Variants in NKAIN2 observed in about 807,000 individuals in gnomAD.
NKAIN2 encodes sodium/potassium transporting ATPase interacting 2.
A neutral mutation model predicts 32.6 loss-of-function variants in NKAIN2; 14 were observed. The ratio of observed to expected loss-of-function variants is 0.43; its 90% CI spans 0.28 to 0.67. The LOEUF is 0.67. NKAIN2 is among the 30% of genes least tolerant of loss of function. The pLI is 0.17. For missense variants in NKAIN2, 198 were observed against 258.3 expected (o/e 0.77, Z 1.60); for synonymous variants, 80 against 87.2 (o/e 0.92, Z 0.46).
At chr6:124,803,679 T>A (rs1233425988) in intron 5 of NKAIN2, among the ~76,000 whole-genome samples, 1 of 152,214 alleles carries the variant, frequency 6.6e-6, no homozygotes, top group Non-Finnish European at 1.5e-5. Context: ...CCCTCTGGTC[T>A]CTTCAGCTTC....
At chr6:123,879,009 A>AT (rs1033727327) in intron 1 of NKAIN2, among the ~76,000 whole-genome samples, 12 of 152,004 alleles carry the variant, frequency 7.9e-5, no homozygotes, top group Admixed American at 4.6e-4. Flanking sequence ...AGTGGCTTTA[A>AT]TTTTTTTTAG....
At position 123,943,847 on chromosome 6, in the gene NKAIN2, T is replaced by C. The variant is rs1469325076; in HGVS notation, c.54+139593T>C. On this transcript the variant is annotated intron_variant, in intron 1 of 6. Coordinates refer to ENST00000368417, the MANE Select transcript of NKAIN2 (RefSeq NM_001040214.3). ...AGAACACTTTAGTTTAATAATACCATTTTAATTTGCCAAATGGTTAGTGAT... is the reference window on the plus strand; with the variant it reads ...AGAACACTTTAGTTTAATAATACCACTTTAATTTGCCAAATGGTTAGTGAT... Among the ~76,000 whole-genome samples, 4 of 152,066 alleles carry C rather than the reference T, an allele frequency of 2.6e-5. No homozygotes were observed. In the East Asian group the frequency reaches 7.7e-4, roughly 29 times the overall value.
At chr6:124,577,342 T>C (rs182294135) in intron 3 of NKAIN2, among the ~76,000 whole-genome samples, 53 of 152,192 alleles carry the variant, frequency 3.5e-4, no homozygotes, top group African/African-American at 1.3e-3. Context: ...TCACCACCCC[T>C]CCTGCACCCC....
At chr6:123,986,261 T>G (rs1562293433) in intron 1 of NKAIN2, among the ~76,000 whole-genome samples, 2 of 152,172 alleles carry the variant, frequency 1.3e-5, no homozygotes, top group Non-Finnish European at 2.9e-5. Flanking sequence ...AAAATGAAGA[T>G]ACTTCTTTTA....
rs1199710503 is a variant in NKAIN2 at position 124,823,271 on chromosome 6, A to G, written c.*42A>G. On this transcript the variant is annotated 3_prime_UTR_variant, in exon 7 of 7. Coordinates refer to ENST00000368417, the MANE Select transcript of NKAIN2 (RefSeq NM_001040214.3). ...ATGTCAGCCCATGGACCTTTCAAAG[A>G]ACTTTTTTCGCAGTGGCCTCCTGCA... 1 of 1,503,604 alleles carries G rather than the reference A, an allele frequency of 6.7e-7. No homozygotes were observed. Among genetic ancestry groups the G allele is most frequent in the Non-Finnish European group, 9.3e-7 (1 of 1,078,564 alleles). The allele number at this position is 1,503,604 out of a possible 1,614,324, so 93.1% of individuals were successfully genotyped here.
intron 5 of NKAIN2, among the ~76,000 whole-genome samples, chr6:124,803,977 G>A (rs1455216928): frequency 1.3e-5 from 2 of 152,030 alleles, no homozygotes; most frequent in Admixed American, 6.6e-5. Flanking sequence ...ATAACCCTTC[G>A]AAGCTGAAAT....
chr6:123,900,532 G>GGTTTT (rs1774516637), intron 1 of NKAIN2, among the ~76,000 whole-genome samples: 9 of 32,764 alleles, frequency 2.7e-4, no homozygotes, highest in South Asian at 2.1e-3. Context: ...CTCCAGATTA[G>GGTTTT]TTTTTTTTTT....
rs577787014 is a variant in NKAIN2 at position 124,159,658 on chromosome 6, G to A, written c.55-123347G>A. ...AGACAAAGAAAACTAAATTATATCC[G>A]AGTGCAATAGTGAACTGACCTGTTG... On this transcript the variant is annotated intron_variant, in intron 1 of 6. Coordinates refer to ENST00000368417, the MANE Select transcript of NKAIN2 (RefSeq NM_001040214.3). 2.6e-5 allele frequency among the ~76,000 whole-genome samples: 4 copies of A among 152,178 alleles called. No homozygotes were observed. The South Asian group carries it at 6.2e-4, about 24-fold the overall frequency.
chr6:124,407,426 A>G (rs1295398750), intron 3 of NKAIN2, among the ~76,000 whole-genome samples: 1 of 145,104 alleles, frequency 6.9e-6, no homozygotes, highest in Non-Finnish European at 1.5e-5. Context: ...ATTCCCACCT[A>G]TGAGTGAGAA....
intron 4 of NKAIN2, among the ~76,000 whole-genome samples, chr6:124,725,918 C>A (rs910728020): frequency 1.3e-5 from 2 of 152,234 alleles, no homozygotes; most frequent in African/African-American, 4.8e-5. Flanking sequence ...TCAGGGAGTT[C>A]CCTTTCCGAG....
intron 2 of NKAIN2, among the ~76,000 whole-genome samples, chr6:124,318,932 T>A (rs542109419): frequency 6.6e-6 from 1 of 152,194 alleles, no homozygotes; most frequent in East Asian, 1.9e-4. Flanking sequence ...ATTTCTCCCT[T>A]TAGAATTTAT....
chr6:124,284,907 CA>C (rs369970763), intron 2 of NKAIN2, among the ~76,000 whole-genome samples: 34,162 of 144,708 alleles, frequency 0.24, 8,157 homozygotes, highest in African/African-American at 0.61. Flanking sequence ...TGCTACAATG[CA>C]AAAAAAAAAA....
At chr6:124,087,137 G>A (rs973266490) in intron 1 of NKAIN2, among the ~76,000 whole-genome samples, 5 of 151,984 alleles carry the variant, frequency 3.3e-5, no homozygotes, top group African/African-American at 1.2e-4. Flanking sequence ...ATCAATTAAT[G>A]TAAACCTTTA....
At chr6:124,088,698 A>G (rs1196053806) in intron 1 of NKAIN2, among the ~76,000 whole-genome samples, 2 of 152,064 alleles carry the variant, frequency 1.3e-5, no homozygotes, top group South Asian at 2.1e-4. Flanking sequence ...AAAGAAAACC[A>G]TATTTGATGT....
intron 1 of NKAIN2, among the ~76,000 whole-genome samples, chr6:124,135,515 T>TAAAAAAAAAAAAA (rs56183476): frequency 3.0e-4 from 30 of 100,354 alleles, no homozygotes; most frequent in Non-Finnish European, 3.8e-4. Context: ...GCAACGATAG[T>TAAAAAAAAAAAAA]AAAAAAAAAA....
chr6:124,093,944 A>G (rs565205640), intron 1 of NKAIN2, among the ~76,000 whole-genome samples: 1 of 152,248 alleles, frequency 6.6e-6, no homozygotes, highest in Admixed American at 6.5e-5. Context: ...ACAGAAATCA[A>G]TGTTTATGTG....
chr6:124,549,979 T>C lies in NKAIN2; in HGVS notation c.274-108207T>C, dbSNP rs140810717. 2.4e-4 allele frequency among the ~76,000 whole-genome samples: 37 copies of C among 152,338 alleles called. 1 individual carries two copies. In the East Asian group the frequency reaches 4.6e-3, roughly 19 times the overall value. Reference sequence around the variant, plus strand: ...TTACTAACCGTTTTGGAGGAGATACTTTGAGACCACGCAAGTTTCTGCTTT... The same window carrying C: ...TTACTAACCGTTTTGGAGGAGATACCTTGAGACCACGCAAGTTTCTGCTTT... On this transcript the variant is annotated intron_variant, in intron 3 of 6. Coordinates refer to ENST00000368417, the MANE Select transcript of NKAIN2 (RefSeq NM_001040214.3).
intron 3 of NKAIN2, among the ~76,000 whole-genome samples, chr6:124,643,796 G>A (rs968592211): frequency 1.3e-5 from 2 of 152,072 alleles, no homozygotes; most frequent in Admixed American, 6.5e-5. Flanking sequence ...GAAGGTAATA[G>A]AAAACTCCAG....
intron 1 of NKAIN2, among the ~76,000 whole-genome samples, chr6:124,187,475 A>G (rs1789802731): frequency 6.6e-6 from 1 of 152,134 alleles, no homozygotes; most frequent in Admixed American, 6.5e-5. Flanking sequence ...TAGACAGGGC[A>G]GTTTCGGATA....
Sources: allele counts gnomAD v4.1 joint callset (sites outside exome capture counted in the v4.1 genomes callset), GRCh38; gene constraint gnomAD v4.1.1; transcripts MANE v1.5; gene names NCBI Gene and HGNC (gene_info 2026-07-23, HGNC 2026-07-21).